Variants in AFG2A observed in about 807,000 individuals in gnomAD.
AFG2A encodes the protein AAA ATPase AFG2A.
the AFG2A span, among the ~76,000 whole-genome samples, chr4:123,060,996 C>G: frequency 6.6e-6 from 1 of 152,172 alleles, no homozygotes; most frequent in Non-Finnish European, 1.5e-5. Flanking sequence ...CTTTGTATAG[C>G]AAGAGTAACA....
the AFG2A span, among the ~76,000 whole-genome samples, chr4:123,144,643 G>A: frequency 3.3e-5 from 5 of 152,190 alleles, no homozygotes; most frequent in Non-Finnish European, 5.9e-5. Flanking sequence ...TGTCTTAAAT[G>A]TTAGATATGA....
At chr4:123,121,537 A>G in the AFG2A span, among the ~76,000 whole-genome samples, 1 of 152,192 alleles carries the variant, frequency 6.6e-6, no homozygotes, top group Admixed American at 6.5e-5. Flanking sequence ...CATTATTTTT[A>G]CTGTGCCTGC....
At chr4:122,975,730 C>G in the AFG2A span, among the ~76,000 whole-genome samples, 46 of 152,118 alleles carry the variant, frequency 3.0e-4, no homozygotes, top group Non-Finnish European at 5.6e-4. Context: ...TGGAGAGAGA[C>G]ACTTTCTTTT....
chr4:123,118,912 A>G, the AFG2A span, among the ~76,000 whole-genome samples: 3 of 152,142 alleles, frequency 2.0e-5, no homozygotes, highest in African/African-American at 7.2e-5. Context: ...CTTAGGGCAA[A>G]TAATTTTTTA....
chr4:123,283,110 T>C, the AFG2A span, among the ~76,000 whole-genome samples: 2 of 152,212 alleles, frequency 1.3e-5, no homozygotes, highest in Non-Finnish European at 2.9e-5. Flanking sequence ...GAAGTCTTTC[T>C]ATATTCACCA....
the AFG2A span, among the ~76,000 whole-genome samples, chr4:123,225,344 G>T: frequency 6.6e-6 from 1 of 152,238 alleles, no homozygotes; most frequent in African/African-American, 2.4e-5. Flanking sequence ...ATGGTTTTAG[G>T]TCTAACATTT....
the AFG2A span, among the ~76,000 whole-genome samples, chr4:123,145,750 CA>C: frequency 3.9e-5 from 6 of 152,130 alleles, no homozygotes; most frequent in South Asian, 1.2e-3. Flanking sequence ...AACTGATCCC[CA>C]ATGAGGTATA....
chr4:123,057,437 CTT>C, the AFG2A span: 3 of 703,740 alleles, frequency 4.3e-6, no homozygotes, highest in Non-Finnish European at 4.6e-6. Context: ...ATTTTTTCCT[CTT>C]ATACCCATTA....
At chr4:122,923,314 T>G in the AFG2A span, 53 of 1,613,550 alleles carry the variant, frequency 3.3e-5, 1 homozygote, top group South Asian at 5.7e-4. Flanking sequence ...GGGTAAAGAA[T>G]TCCGGGTGGG....
the AFG2A span, among the ~76,000 whole-genome samples, chr4:123,253,616 C>T: frequency 6.6e-6 from 1 of 152,112 alleles, no homozygotes; most frequent in Non-Finnish European, 1.5e-5. Context: ...CATCACTGCA[C>T]TCTAGCCTGG....
the AFG2A span, among the ~76,000 whole-genome samples, chr4:123,015,825 T>C: frequency 4.8e-4 from 24 of 50,384 alleles, no homozygotes; most frequent in East Asian, 6.6e-3. Flanking sequence ...CCCCCCCACC[T>C]CCCTCCCGGA....
chr4:123,199,396 A>T, the AFG2A span, among the ~76,000 whole-genome samples: 2 of 149,030 alleles, frequency 1.3e-5, no homozygotes, highest in Non-Finnish European at 3.0e-5. Flanking sequence ...TTTTGGATTT[A>T]TGAAAGGAAC....
chr4:123,055,223 T>G, the AFG2A span, among the ~76,000 whole-genome samples: 1 of 152,194 alleles, frequency 6.6e-6, no homozygotes, highest in East Asian at 1.9e-4. Flanking sequence ...TACAACAAAG[T>G]TCATATAGTA....
chr4:123,215,148 T>A, the AFG2A span, among the ~76,000 whole-genome samples: 3 of 152,156 alleles, frequency 2.0e-5, no homozygotes, highest in African/African-American at 7.2e-5. Flanking sequence ...ATTGAAAAAA[T>A]TTTAATTCTT....
At chr4:123,169,971 T>A in the AFG2A span, among the ~76,000 whole-genome samples, 1 of 152,200 alleles carries the variant, frequency 6.6e-6, no homozygotes, top group African/African-American at 2.4e-5. Flanking sequence ...AAAAGCTATA[T>A]AAGGATACAA....
chr4:123,133,043 G>A, the AFG2A span, among the ~76,000 whole-genome samples: 5 of 152,168 alleles, frequency 3.3e-5, no homozygotes, highest in African/African-American at 1.2e-4. Flanking sequence ...GCCTCCCAAA[G>A]TGCTGGGATT....
the AFG2A span, among the ~76,000 whole-genome samples, chr4:123,012,170 G>T: frequency 6.9e-6 from 1 of 145,580 alleles, no homozygotes; most frequent in East Asian, 2.1e-4. Context: ...GAAGGGGTGG[G>T]TAGAGACATG....
chr4:122,938,210 T>C, the AFG2A span: 1 of 1,610,928 alleles, frequency 6.2e-7, no homozygotes, highest in Non-Finnish European at 8.5e-7. Context: ...AAAAAAGAGT[T>C]GTGGCTTCAC....
At chr4:123,033,016 T>C in the AFG2A span, among the ~76,000 whole-genome samples, 1 of 152,220 alleles carries the variant, frequency 6.6e-6, no homozygotes, top group South Asian at 2.1e-4. Context: ...AACCCCCTTG[T>C]AAATCAAGGA....
Sources: allele counts gnomAD v4.1 joint callset (sites outside exome capture counted in the v4.1 genomes callset), GRCh38; gene constraint gnomAD v4.1.1; transcripts MANE v1.5; gene names NCBI Gene and HGNC (gene_info 2026-07-23, HGNC 2026-07-21).